The following CGNL1 variants were observed in gnomAD, a reference collection of about 807,000 sequenced individuals.
The protein encoded by CGNL1 is cingulin like 1.
A neutral mutation model predicts 141.2 loss-of-function variants in CGNL1; 132 were observed. The observed-to-expected ratio is 0.93, with a 90% confidence interval of 0.81 to 1.08. CGNL1 has a LOEUF of 1.08. CGNL1 is among the 50% of genes least tolerant of loss of function. The pLI, the probability that CGNL1 is intolerant of heterozygous loss-of-function variation, is 0.00. For synonymous variants in CGNL1, 690 were observed against 622.1 expected (o/e 1.11, Z -1.63); for missense variants, 1,870 against 1,588.6 (o/e 1.18, Z -3.01).
chr15:57,389,811 T>TTTTTTG (rs2062522591), intron 1 of CGNL1, among the ~76,000 whole-genome samples: 1 of 151,778 alleles, frequency 6.6e-6, no homozygotes, highest in African/African-American at 2.4e-5. Flanking sequence ...CAGATCTCAG[T>TTTTTTG]TTTTTGTTTT....
At chr15:57,523,705 T>C (rs1391215850) in intron 11 of CGNL1, 64 bp downstream of exon 11, 6 of 1,568,284 alleles carry the variant, frequency 3.8e-6, no homozygotes, top group Non-Finnish European at 5.2e-6. Flanking sequence ...CAGTCCCCTC[T>C]GAGGGTCTGG....
At chr15:57,543,223 C>CCCAG (rs145875082) in intron 14 of CGNL1, among the ~76,000 whole-genome samples, 1 of 59,436 alleles carries the variant, frequency 1.7e-5, no homozygotes, top group Non-Finnish European at 3.2e-5. Context: ...CCTCCATCTC[C>CCCAG]ACTTCCCTGT....
chr15:57,500,494 G>A (rs571243198), intron 8 of CGNL1, among the ~76,000 whole-genome samples: 2 of 152,332 alleles, frequency 1.3e-5, no homozygotes, highest in African/African-American at 4.8e-5. Flanking sequence ...GAAAATGAGA[G>A]GCTAGAACGA....
chr15:57,430,091 G>C (rs761487671), intron 1 of CGNL1, among the ~76,000 whole-genome samples: 1 of 152,222 alleles, frequency 6.6e-6, no homozygotes, highest in Non-Finnish European at 1.5e-5. Flanking sequence ...GGTGACTGGC[G>C]TGAGCCACTG....
rs368771367 is a variant in CGNL1 at position 57,535,710 on chromosome 15, G to T, written c.3291+3931G>T. On this transcript the variant is annotated intron_variant, in intron 14 of 18. Coordinates refer to ENST00000281282, the MANE Select transcript of CGNL1 (RefSeq NM_032866.5). ...TGAATGGCTCTATTGTGAAGGCAGT[G>T]GGCAGCCATCGAAGGCGATTGAGCA... is the stretch of plus-strand genomic sequence containing the variant. Among the ~76,000 whole-genome samples, 32 of 152,180 alleles carry T rather than the reference G, an allele frequency of 2.1e-4. No individual in the cohort carries two copies. In the East Asian group the frequency reaches 3.1e-3, roughly 15 times the overall value.
intron 8 of CGNL1, among the ~76,000 whole-genome samples, 171 bp from the exon 9 acceptor site, chr15:57,516,609 A>C (rs2030818358): frequency 6.6e-6 from 1 of 152,188 alleles, no homozygotes; most frequent in Admixed American, 6.5e-5. Flanking sequence ...TTTTCAAAAC[A>C]GGTGAGGGGC....
chr15:57,475,798 C>G (rs1388885757), intron 8 of CGNL1, among the ~76,000 whole-genome samples: 1 of 152,000 alleles, frequency 6.6e-6, no homozygotes, highest in Admixed American at 6.6e-5. Flanking sequence ...TCTTCTTTCC[C>G]CCGGCTCATA....
At chr15:57,427,688 T>G (rs1452625431) in intron 1 of CGNL1, among the ~76,000 whole-genome samples, 1 of 152,246 alleles carries the variant, frequency 6.6e-6, no homozygotes, top group Non-Finnish European at 1.5e-5. Context: ...ATACTGAGCT[T>G]TGGAATTCAC....
chr15:57,388,686 G>T (rs1277063840), intron 1 of CGNL1, among the ~76,000 whole-genome samples: 1 of 152,212 alleles, frequency 6.6e-6, no homozygotes, highest in Non-Finnish European at 1.5e-5. Context: ...ACAGGGTGAT[G>T]TTACTGGACT....
At position 57,439,614 on chromosome 15, in the gene CGNL1, C is replaced by T; in HGVS notation, c.1602+13C>T. The T allele has an allele frequency of 1.9e-6, 3 of 1,604,034 alleles. No individual in the cohort carries two copies. The highest frequency in any genetic ancestry group is 1.7e-6 in the Non-Finnish European group (2 of 1,173,930). On this transcript the variant is annotated intron_variant, in intron 2 of 18. Transcript: ENST00000281282. Reference sequence around the variant, plus strand: ...CTCAAATACTCAGGTAACACTAGTGCGATTCCTGTTTGGTTTTTTTTCTCT... The same window carrying T: ...CTCAAATACTCAGGTAACACTAGTGTGATTCCTGTTTGGTTTTTTTTCTCT...
intron 8 of CGNL1, among the ~76,000 whole-genome samples, chr15:57,512,116 A>G (rs867341742): frequency 6.6e-6 from 1 of 152,238 alleles, no homozygotes; most frequent in Middle Eastern, 3.4e-3. Context: ...CATCCATGAG[A>G]CACAAAGTCT....
At chr15:57,425,276 A>T (rs1250526508) in intron 1 of CGNL1, among the ~76,000 whole-genome samples, 3 of 152,198 alleles carry the variant, frequency 2.0e-5, no homozygotes, top group African/African-American at 7.2e-5. Context: ...AGGCAGGAGG[A>T]TCCCTTGAGC....
intron 1 of CGNL1, among the ~76,000 whole-genome samples, chr15:57,383,027 G>A (rs2062440486): frequency 6.6e-6 from 1 of 152,082 alleles, no homozygotes; most frequent in Non-Finnish European, 1.5e-5. Context: ...CACCTTTTTT[G>A]CCTGTGTGGT....
At position 57,452,261 on chromosome 15, in the gene CGNL1, G is replaced by A; in HGVS notation, c.2026G>A (p.Glu676Lys). ...ATTGCAGCAACGACTGGAAGAAAGT[G>A]AAGGGGAGCTCCGGAAGAATCTGGA... ...STLQQRLEES[E>K]GELRKNLEEL... Residue 676 changes from glutamate (E) to lysine (K), a missense_variant, in exon 6 of 19, where the codon GAA becomes AAA. Glu to Lys is a moderately conservative substitution (Grantham distance 56). Coordinates refer to ENST00000281282, the MANE Select transcript of CGNL1 (RefSeq NM_032866.5). 1.2e-6 allele frequency: 2 copies of A among 1,613,890 alleles called. No individual in the cohort carries two copies. The highest frequency in any genetic ancestry group is 1.7e-6 in the Non-Finnish European group (2 of 1,179,874).
intron 14 of CGNL1, among the ~76,000 whole-genome samples, chr15:57,540,250 C>T (rs2032492711): frequency 6.6e-6 from 1 of 152,196 alleles, no homozygotes; most frequent in African/African-American, 2.4e-5. Context: ...TAAAGACATA[C>T]CTGAGACTGG....
intron 8 of CGNL1, 139 bp downstream of exon 8, chr15:57,462,031 A>G: frequency 1.4e-6 from 1 of 698,066 alleles, no homozygotes; most frequent in Non-Finnish European, 2.5e-6. Flanking sequence ...CACAGAGCTT[A>G]TTAACAAAGA....
intron 1 of CGNL1, among the ~76,000 whole-genome samples, chr15:57,431,347 T>G (rs1237026039): frequency 6.6e-6 from 1 of 152,236 alleles, no homozygotes; most frequent in Admixed American, 6.5e-5. Context: ...AGACACTTCC[T>G]TTAAAATCTG....
Position 57,472,842 on chromosome 15 carries a change from G to C in CGNL1, c.2403+10950G>C, listed in dbSNP as rs533776515. ...ATGCTGACGGAGAAGGTTTGTAGGA[G>C]GAAAGTTTTTATTTGTTTCTTGCCT... On this transcript the variant is annotated intron_variant, in intron 8 of 18. Coordinates refer to ENST00000281282, the MANE Select transcript of CGNL1 (RefSeq NM_032866.5). Among the ~76,000 whole-genome samples the C allele has an allele frequency of 1.2e-4, 18 of 152,282 alleles. 1 individual carries two copies. The South Asian group carries it at 3.5e-3, about 30-fold the overall frequency.
intron 1 of CGNL1, chr15:57,377,094 C>T (rs1479645152): frequency 3.3e-5 from 5 of 152,314 alleles, no homozygotes; most frequent in Admixed American, 2.6e-4. Context: ...GAGCCCCCGC[C>T]TCACTCGGAG....
Sources: gnomAD v4.1 joint callset for allele counts (sites outside exome capture counted in the v4.1 genomes callset) on GRCh38, gnomAD v4.1.1 for gene constraint, MANE v1.5 for transcripts, NCBI Gene and HGNC (gene_info 2026-07-23, HGNC 2026-07-21) for gene names.